Variants in RUBCNL observed in about 807,000 individuals in gnomAD.
The protein encoded by RUBCNL is rubicon like autophagy enhancer, also known as protein associated with UVRAG as autophagy enhancer.
RUBCNL carries 62 observed loss-of-function variants against 69.5 expected under a neutral mutation model. That is an observed-to-expected ratio of 0.89 (90% CI 0.73 to 1.10). The LOEUF (loss-of-function observed/expected upper bound fraction) is 1.10, where lower values mean the gene tolerates loss of function less well. RUBCNL is among the 50% of genes least tolerant of loss of function. The pLI is 0.00. For missense variants in RUBCNL, 768 were observed against 798.1 expected, an observed-to-expected ratio of 0.96 and a Z score of 0.45; for synonymous variants, 291 against 303.6, an observed-to-expected ratio of 0.96 and a Z score of 0.43.
intron 1 of RUBCNL, among the ~76,000 whole-genome samples, chr13:46,385,974 G>A (rs952759942): frequency 1.3e-5 from 2 of 152,106 alleles, no homozygotes; most frequent in African/African-American, 4.8e-5. Context: ...GCAGAAACTG[G>A]GGTTTGAGAA....
Position 46,335,544 on chromosome 13 carries a change from T to C in RUBCNL, c.*7841A>G, listed in dbSNP as rs1474137670. On this transcript the variant is annotated 3_prime_UTR_variant, in exon 15 of 15. Transcript: ENST00000429979. ...GAAAGAGGAGATAGGAGGTTTTTAA[T>C]TAGGTTGAACCACACATGAAATTGC... Among the ~76,000 whole-genome samples the C allele has an allele frequency of 2.0e-5, 3 of 152,222 alleles. No homozygotes were observed. The highest frequency in any genetic ancestry group is 7.2e-5 in the African/African-American group (3 of 41,454).
chr13:46,362,169 G>A (rs112720806), intron 7 of RUBCNL, among the ~76,000 whole-genome samples: 1,692 of 152,054 alleles, frequency 0.011, 27 homozygotes, highest in African/African-American at 0.038. Context: ...CCCAGGAGGC[G>A]GAGGTTGCAG....
intron 2 of RUBCNL, among the ~76,000 whole-genome samples, chr13:46,376,198 G>T (rs1300679940): frequency 6.6e-6 from 1 of 152,088 alleles, no homozygotes; most frequent in Admixed American, 6.6e-5. Context: ...AAAGTTGTGC[G>T]CAGATTTTCA....
chr13:46,368,045 C>T lies in RUBCNL; in HGVS notation c.823G>A (p.Glu275Lys), dbSNP rs1284965299. The stretch of plus-strand genomic sequence containing the variant: ...TTCTCATATTTGCCCAACTTGCCTT[C>T]ATAGCCACTGTATGAAGAAGTAGAA... ...GSSTSSYSGY[E>K]GCAVLQVSPV... Residue 275 changes from glutamate (E) to lysine (K), a missense_variant, in exon 5 of 15, where the codon GAA becomes AAA. Transcript: ENST00000429979. The T allele has an allele frequency of 6.2e-7, 1 of 1,613,812 alleles. No individual in the cohort carries two copies.
At chr13:46,354,067 C>G (rs186217606) in intron 10 of RUBCNL, among the ~76,000 whole-genome samples, 3 of 152,054 alleles carry the variant, frequency 2.0e-5, no homozygotes, top group Admixed American at 6.5e-5. Context: ...ACAAAAAGGA[C>G]TAGGAAGTAG....
chr13:46,377,137 G>C (rs1452168347), intron 2 of RUBCNL, among the ~76,000 whole-genome samples: 1 of 152,092 alleles, frequency 6.6e-6, no homozygotes, highest in Non-Finnish European at 1.5e-5. Context: ...GTAAGTTATG[G>C]TTTATCCTCA....
chr13:46,377,328 A>C (rs2049016131), intron 2 of RUBCNL, among the ~76,000 whole-genome samples: 1 of 152,194 alleles, frequency 6.6e-6, no homozygotes, highest in Admixed American at 6.5e-5. Context: ...CAGTGGCACG[A>C]TCTCGGCTCA....
intron 3 of RUBCNL, among the ~76,000 whole-genome samples, chr13:46,371,532 T>C (rs2048874357): frequency 6.6e-6 from 1 of 152,156 alleles, no homozygotes; most frequent in Non-Finnish European, 1.5e-5. Context: ...CAGGTAAATA[T>C]AACAAGTGAA....
chr13:46,339,611 C>A lies in RUBCNL; in HGVS notation c.*3774G>T, dbSNP rs12860986. On this transcript the variant is annotated 3_prime_UTR_variant, in exon 15 of 15. Transcript: ENST00000429979. ...CAGTGGCTCAGGCCTGTAATCCCAG[C>A]ACTTTTGGAAGCCGAAGCAGGCAGA... Among the ~76,000 whole-genome samples, 21,648 of 152,182 alleles carry A rather than the reference C, an allele frequency of 0.14. 1,833 individuals are homozygous for A. The highest frequency in any genetic ancestry group is 0.21 in the Middle Eastern group (61 of 294).
intron 5 of RUBCNL, among the ~76,000 whole-genome samples, chr13:46,364,751 A>T (rs1156695859): frequency 6.6e-6 from 1 of 151,234 alleles, no homozygotes; most frequent in Non-Finnish European, 1.5e-5. Flanking sequence ...GAGTAATACC[A>T]ACCCACCTCA....
rs974290421 is a variant in RUBCNL at position 46,335,793 on chromosome 13, G to T, written c.*7592C>A. Among the ~76,000 whole-genome samples, 1 of 152,194 alleles carries T rather than the reference G, an allele frequency of 6.6e-6. No individual in the cohort carries two copies. The highest frequency in any genetic ancestry group is 2.4e-5 in the African/African-American group (1 of 41,460). ...TGACTCCTAGGTGTTTGGCTTAAGCGACTGGGTCTATGGTGGTGCCATTTT... is the reference window on the plus strand; with the variant it reads ...TGACTCCTAGGTGTTTGGCTTAAGCTACTGGGTCTATGGTGGTGCCATTTT... On this transcript the variant is annotated 3_prime_UTR_variant, in exon 15 of 15. Coordinates refer to ENST00000429979, the MANE Select transcript of RUBCNL (RefSeq NM_025113.5).
intron 10 of RUBCNL, among the ~76,000 whole-genome samples, chr13:46,355,831 CAG>C (rs1311348637): frequency 6.6e-6 from 1 of 151,746 alleles, no homozygotes; most frequent in African/African-American, 2.4e-5. Flanking sequence ...GTGTTGAAGA[CAG>C]ATAATAATAA....
At position 46,337,245 on chromosome 13, in the gene RUBCNL, C is replaced by A. The variant is rs147758476; in HGVS notation, c.*6140G>T. On this transcript the variant is annotated 3_prime_UTR_variant, in exon 15 of 15. Coordinates refer to ENST00000429979, the MANE Select transcript of RUBCNL (RefSeq NM_025113.5). ...GCAACCTTCAACTCCCTGGTTCAAG[C>A]GATTCTTCTGCCTCAGCCTCCCGAG... Among the ~76,000 whole-genome samples the A allele has an allele frequency of 3.3e-5, 5 of 152,098 alleles. No homozygotes were observed. Among genetic ancestry groups the A allele is most frequent in the African/African-American group, 4.8e-5 (2 of 41,406 alleles).
intron 1 of RUBCNL, among the ~76,000 whole-genome samples, chr13:46,385,784 T>C (rs976233262): frequency 6.6e-6 from 1 of 152,120 alleles, no homozygotes; most frequent in African/African-American, 2.4e-5. Flanking sequence ...TGTTAAACGG[T>C]TGCATGAAGA....
At chr13:46,385,254 C>A (rs2049213248) in intron 1 of RUBCNL, 1 of 982,590 alleles carries the variant, frequency 1.0e-6, no homozygotes, top group African/African-American at 1.7e-5. Flanking sequence ...GTTACAGAGA[C>A]CTGGTTTTAT....
intron 4 of RUBCNL, 147 bp from the exon 5 acceptor site, chr13:46,368,396 C>G (rs564746740): frequency 5.6e-6 from 8 of 1,417,874 alleles, no homozygotes; most frequent in African/African-American, 4.3e-5. Flanking sequence ...TCATAGGTCA[C>G]TCTATGACTT....
upstream of RUBCNL, chr13:46,387,570 C>A: frequency 1.0e-6 from 1 of 985,544 alleles, no homozygotes; most frequent in Non-Finnish European, 1.2e-6. Flanking sequence ...GAAATGACTT[C>A]CCAACCCCAG....
In RUBCNL at chr13:46,372,259, C is replaced by G. The variant is rs771266127; in HGVS notation, c.217G>C (p.Ala73Pro). The change falls in exon 3 of 15, where the codon GCA (alanine) becomes CCA (proline). Residue 73 changes from alanine (A) to proline (P), a missense_variant. Transcript: ENST00000429979. ...ACAAAATGGGTCCCACTGTTCCCTGCTGCTGGCACCTGAGATTGCAAGTCC... is the reference window on the plus strand; with the variant it reads ...ACAAAATGGGTCCCACTGTTCCCTGGTGCTGGCACCTGAGATTGCAAGTCC... ...PQDLQSQVPA[A>P]GNSGTHFVTD... The G allele has an allele frequency of 1.9e-6, 3 of 1,614,044 alleles. No homozygotes were observed. The South Asian group carries it at 3.3e-5, about 18-fold the overall frequency.
intron 1 of RUBCNL, 107 bp from the exon 2 acceptor site, chr13:46,378,112 T>C (rs1181171541): frequency 1.6e-6 from 1 of 619,466 alleles, no homozygotes; most frequent in Non-Finnish European, 2.7e-6. Context: ...AGAAATATTT[T>C]TTTACTGAGC....
Sources: allele counts gnomAD v4.1 joint callset (sites outside exome capture counted in the v4.1 genomes callset), GRCh38; gene constraint gnomAD v4.1.1; transcripts MANE v1.5; gene names NCBI Gene and HGNC (gene_info 2026-07-23, HGNC 2026-07-21).